The following NLGN1 variants were observed in gnomAD, a reference collection of about 807,000 sequenced individuals.
NLGN1 encodes neuroligin 1.
In NLGN1, 12 loss-of-function variants were observed where a neutral mutation model predicts 65.5. The ratio of observed to expected loss-of-function variants is 0.18; its 90% CI spans 0.12 to 0.30. NLGN1 has a LOEUF of 0.30. Among genes scored for constraint, NLGN1 ranks in the 10% least tolerant of loss-of-function variants. The probability of loss-of-function intolerance (pLI) is 1.00; values close to 1 mark genes in which losing one functional copy is unlikely to be tolerated. For missense variants in NLGN1, 750 were observed against 1,007.1 expected (o/e 0.74, Z 3.46); for synonymous variants, 350 against 359.5 (o/e 0.97, Z 0.30).
Position 173,913,266 on chromosome 3 carries a change from G to A in NLGN1, c.646+105434G>A, listed in dbSNP as rs1242253512. Among the ~76,000 whole-genome samples, 5 of 152,302 alleles carry A rather than the reference G, an allele frequency of 3.3e-5. No homozygotes were observed. The East Asian group carries it at 9.6e-4, about 29-fold the overall frequency. On this transcript the variant is annotated intron_variant, in intron 4 of 6. Coordinates refer to ENST00000457714, the Ensembl canonical transcript of NLGN1. The stretch of plus-strand genomic sequence containing the variant: ...GTGGAAGAAAAGTGGGAGGTTGAGA[G>A]CAGTTTGCAAGATTGATTAAAAGGT...
chr3:173,763,923 A>G (rs1778375852), intron 3 of NLGN1, among the ~76,000 whole-genome samples: 1 of 152,210 alleles, frequency 6.6e-6, no homozygotes, highest in Non-Finnish European at 1.5e-5. Context: ...TTCCTGTGAA[A>G]TAAAAGATCA....
chr3:174,227,137 A>G (rs1561335227), intron 4 of NLGN1, among the ~76,000 whole-genome samples: 1 of 152,290 alleles, frequency 6.6e-6, no homozygotes, highest in East Asian at 1.9e-4. Flanking sequence ...AAATCATTGT[A>G]CTTAACCTGC....
chr3:174,005,464 A>G (rs1405739733), intron 4 of NLGN1, among the ~76,000 whole-genome samples: 1 of 152,192 alleles, frequency 6.6e-6, no homozygotes, highest in Non-Finnish European at 1.5e-5. Context: ...GAAATGTAAT[A>G]TATATGACTC....
chr3:174,149,693 C>A (rs368580185), intron 4 of NLGN1, among the ~76,000 whole-genome samples: 67 of 151,624 alleles, frequency 4.4e-4, no homozygotes, highest in African/African-American at 1.6e-3. Context: ...AAATGTTAAC[C>A]CAAAGATCTC....
At chr3:173,846,705 G>A (rs1269606199) in intron 4 of NLGN1, among the ~76,000 whole-genome samples, 6 of 152,128 alleles carry the variant, frequency 3.9e-5, no homozygotes, top group East Asian at 1.9e-4. Context: ...GGAGAAAATC[G>A]AGATATGGAA....
chr3:173,598,666 C>G (rs1407289019), intron 2 of NLGN1, among the ~76,000 whole-genome samples: 1 of 152,168 alleles, frequency 6.6e-6, no homozygotes, highest in Non-Finnish European at 1.5e-5. Flanking sequence ...CTCATTTACT[C>G]TGTCTTCTGG....
intron 4 of NLGN1, among the ~76,000 whole-genome samples, chr3:174,204,433 C>T (rs537833875): frequency 2.0e-5 from 3 of 152,262 alleles, no homozygotes; most frequent in South Asian, 2.1e-4. Flanking sequence ...ACATTCCAGC[C>T]GATCAGCCAC....
rs770618573 is a variant in NLGN1 at position 173,789,950 on chromosome 3, A to G, written c.494-17730A>G. On this transcript the variant is annotated intron_variant, in intron 3 of 6. Coordinates refer to ENST00000457714, the Ensembl canonical transcript of NLGN1. ...GTGAGCTTCATTCCTTCTGCAGAGCACAGTCCCTACCCTTGTCTTTTTTTA... is the reference window on the plus strand; with the variant it reads ...GTGAGCTTCATTCCTTCTGCAGAGCGCAGTCCCTACCCTTGTCTTTTTTTA... 86 of 479,368 alleles carry G rather than the reference A, an allele frequency of 1.8e-4. 1 individual carries two copies. Among genetic ancestry groups the G allele is most frequent in the Non-Finnish European group, 3.1e-4 (74 of 238,210 alleles). The allele number at this position is 479,368 out of a possible 1,614,324, so 29.7% of individuals were successfully genotyped here.
chr3:173,396,125 A>G (rs1577261266), upstream of NLGN1, among the ~76,000 whole-genome samples: 1 of 152,224 alleles, frequency 6.6e-6, no homozygotes, highest in East Asian at 1.9e-4. Flanking sequence ...CTCCCCGCCT[A>G]TGATTTTCGG....
chr3:173,926,113 G>C (rs1159907818), intron 4 of NLGN1, among the ~76,000 whole-genome samples: 1 of 151,548 alleles, frequency 6.6e-6, no homozygotes, highest in African/African-American at 2.4e-5. Flanking sequence ...AGATTTTCAG[G>C]TCTAAAGATT....
At chr3:174,263,817 G>A (rs1298675567) in intron 4 of NLGN1, among the ~76,000 whole-genome samples, 1 of 151,504 alleles carries the variant, frequency 6.6e-6, no homozygotes, top group African/African-American at 2.4e-5. Context: ...TGCAGCGGCT[G>A]GTACCGGTTG....
At chr3:173,455,627 A>G (rs1013320737) in intron 2 of NLGN1, among the ~76,000 whole-genome samples, 3 of 151,696 alleles carry the variant, frequency 2.0e-5, no homozygotes, top group African/African-American at 7.3e-5. Context: ...GGTTGCCACA[A>G]ACTTTCAATT....
intron 4 of NLGN1, among the ~76,000 whole-genome samples, chr3:173,842,837 A>C (rs990005094): frequency 3.3e-5 from 5 of 152,102 alleles, no homozygotes; most frequent in Admixed American, 6.5e-5. Flanking sequence ...TGGAGTCTGG[A>C]GGATGGTGGC....
At chr3:173,993,160 G>C (rs146395815) in intron 4 of NLGN1, among the ~76,000 whole-genome samples, 1 of 152,030 alleles carries the variant, frequency 6.6e-6, no homozygotes, top group Non-Finnish European at 1.5e-5. Flanking sequence ...CTCGTTATGC[G>C]TGGTCTATAC....
intron 4 of NLGN1, among the ~76,000 whole-genome samples, chr3:174,095,251 T>C (rs1745259612): frequency 6.8e-6 from 1 of 146,378 alleles, no homozygotes. Context: ...AAAGTTGCTT[T>C]ATGAAAAATA....
chr3:173,605,033 T>C (rs1189080756), exon 3 of NLGN1: 1 of 1,613,230 alleles, frequency 6.2e-7, no homozygotes, highest in Admixed American at 1.7e-5. Flanking sequence ...TTTCATCATA[T>C]GTGCAAGACC....
chr3:173,743,071 A>G (rs1423505956), intron 3 of NLGN1, among the ~76,000 whole-genome samples: 4 of 152,116 alleles, frequency 2.6e-5, no homozygotes, highest in Non-Finnish European at 5.9e-5. Flanking sequence ...TTTCCTCAAT[A>G]TGCTGAGGCT....
intron 4 of NLGN1, among the ~76,000 whole-genome samples, chr3:174,237,171 C>A (rs1472995058): frequency 6.6e-6 from 1 of 152,040 alleles, no homozygotes; most frequent in Non-Finnish European, 1.5e-5. Flanking sequence ...TAAGGAATTT[C>A]AAATACTTTA....
chr3:173,976,455 G>A (rs1365168256), intron 4 of NLGN1, among the ~76,000 whole-genome samples: 2 of 152,042 alleles, frequency 1.3e-5, no homozygotes, highest in Non-Finnish European at 2.9e-5. Flanking sequence ...ATGTACTGAT[G>A]AAGATGTGGG....
Sources: gnomAD v4.1 joint callset for allele counts (sites outside exome capture counted in the v4.1 genomes callset) on GRCh38, gnomAD v4.1.1 for gene constraint, MANE v1.5 for transcripts, NCBI Gene and HGNC (gene_info 2026-07-23, HGNC 2026-07-21) for gene names.